OSBPL11: variants seen among roughly 807,000 people sequenced by gnomAD.
The protein encoded by OSBPL11 is oxysterol-binding protein-related protein 11.
A neutral mutation model predicts 84.4 loss-of-function variants in OSBPL11; 33 were observed. That is an observed-to-expected ratio of 0.39 (90% CI 0.30 to 0.52). The LOEUF (loss-of-function observed/expected upper bound fraction) is 0.52. Ranked by LOEUF, OSBPL11 falls within the 20% of genes least tolerant of loss-of-function variation. The pLI, the probability that OSBPL11 is intolerant of heterozygous loss-of-function variation, is 0.72. For synonymous variants in OSBPL11, 276 were observed against 310.2 expected (o/e 0.89, Z 1.16); for missense variants, 736 against 901.1 (o/e 0.82, Z 2.35).
intron 8 of OSBPL11, among the ~76,000 whole-genome samples, chr3:125,558,274 G>A (rs2107598389): frequency 6.6e-6 from 1 of 152,052 alleles, no homozygotes; most frequent in East Asian, 1.9e-4. Flanking sequence ...ATCTACTCAG[G>A]GACTGCAAAC....
At position 125,581,883 on chromosome 3, in the gene OSBPL11, G is replaced by C. The variant is rs1392351494; in HGVS notation, c.233+1027C>G. On this transcript the variant is annotated intron_variant, in intron 2 of 12. Coordinates refer to ENST00000296220, the MANE Select transcript of OSBPL11 (RefSeq NM_022776.5). Reference sequence around the variant, plus strand: ...TCCAGCTACTTAGGAGGCTGGGGCAGGAGGATGATTTCAGCCCGAGGTGGA... The same window carrying C: ...TCCAGCTACTTAGGAGGCTGGGGCACGAGGATGATTTCAGCCCGAGGTGGA... Among the ~76,000 whole-genome samples, 12 of 152,028 alleles carry C rather than the reference G, an allele frequency of 7.9e-5. No individual in the cohort carries two copies. In the East Asian group the frequency reaches 2.3e-3, roughly 29 times the overall value.
intron 5 of OSBPL11, among the ~76,000 whole-genome samples, chr3:125,569,674 C>A (rs1448913965): frequency 6.6e-6 from 1 of 152,164 alleles, no homozygotes; most frequent in African/African-American, 2.4e-5. Flanking sequence ...TTCAGCAACT[C>A]ATGTCCATCA....
intron 10 of OSBPL11, among the ~76,000 whole-genome samples, chr3:125,540,503 G>A (rs1935713661): frequency 6.6e-6 from 1 of 152,094 alleles, no homozygotes; most frequent in Non-Finnish European, 1.5e-5. Flanking sequence ...CAGTGTGAAT[G>A]TTTCTTGTGA....
intron 1 of OSBPL11, among the ~76,000 whole-genome samples, chr3:125,592,640 G>C (rs1479830015): frequency 1.3e-5 from 2 of 152,068 alleles, no homozygotes; most frequent in South Asian, 2.1e-4. Flanking sequence ...AGTATGTAAG[G>C]GAAATGTTTC....
Position 125,530,517 on chromosome 3 carries a change from A to G in OSBPL11, c.2242T>C (p.Ter748ArgextTer17). Residue 748 changes from the stop codon to arginine (R), a stop_lost, in exon 13 of 13, where the codon TGA becomes CGA. Transcript: ENST00000296220. ...GGTCGAGTTTTAGATAGTATGTGTC[A>G]CTCTGCTGGTTGTGTTGTTGGAATT... ...KIIPTTQPAE[*>R] 2.5e-6 allele frequency: 4 copies of G among 1,613,448 alleles called. No homozygotes were observed. Among genetic ancestry groups the G allele is most frequent in the Non-Finnish European group, 3.4e-6 (4 of 1,179,452 alleles).
chr3:125,574,143 C>A (rs929595960), intron 5 of OSBPL11, among the ~76,000 whole-genome samples: 37 of 151,964 alleles, frequency 2.4e-4, no homozygotes, highest in African/African-American at 8.7e-4. Flanking sequence ...GCCTTTTTCA[C>A]TGTGGTGACA....
intron 4 of OSBPL11, among the ~76,000 whole-genome samples, chr3:125,577,985 A>G (rs1936355889): frequency 6.6e-6 from 1 of 152,216 alleles, no homozygotes; most frequent in Non-Finnish European, 1.5e-5. Context: ...CCCAGACCCT[A>G]GAGAAATGAA....
chr3:125,539,277 G>A (rs2107588419), intron 10 of OSBPL11, among the ~76,000 whole-genome samples: 1 of 119,574 alleles, frequency 8.4e-6, no homozygotes, highest in East Asian at 2.6e-4. Context: ...TGCTATTGAA[G>A]TTTAATGAAG....
chr3:125,559,813 G>A (rs1386852474), intron 8 of OSBPL11, among the ~76,000 whole-genome samples: 2 of 152,018 alleles, frequency 1.3e-5, no homozygotes, highest in African/African-American at 4.8e-5. Flanking sequence ...TCGGCCTCCC[G>A]AGGAGAGTGG....
Position 125,530,018 on chromosome 3 carries a change from C to G in OSBPL11, c.*497G>C, listed in dbSNP as rs768428765. 6.5e-6 allele frequency: 1 copy of G among 152,970 alleles called. No homozygotes were observed. The highest frequency in any genetic ancestry group is 6.5e-5 in the Admixed American group (1 of 15,422). 9.5% of individuals were successfully genotyped at this position (152,970 alleles called of 1,614,324 possible). Reference sequence around the variant, plus strand: ...GATTTTTTTTTTTAAACACTGATTTCAGGCACAATGGCTGAATCCACTTCT... The same window carrying G: ...GATTTTTTTTTTTAAACACTGATTTGAGGCACAATGGCTGAATCCACTTCT... On this transcript the variant is annotated 3_prime_UTR_variant, in exon 13 of 13. Transcript: ENST00000296220.
chr3:125,538,706 A>G (rs1209402509), intron 10 of OSBPL11, 73 bp from the exon 11 acceptor site: 1 of 1,345,758 alleles, frequency 7.4e-7, no homozygotes, highest in East Asian at 2.3e-5. Context: ...CTGAAACCCA[A>G]GAACACAGCC....
At chr3:125,592,746 G>T (rs1181550007) in intron 1 of OSBPL11, among the ~76,000 whole-genome samples, 1 of 151,600 alleles carries the variant, frequency 6.6e-6, no homozygotes, top group African/African-American at 2.4e-5. Context: ...ATTTTAATAA[G>T]AGATATCAAG....
intron 10 of OSBPL11, among the ~76,000 whole-genome samples, chr3:125,545,256 A>T (rs951113311): frequency 6.6e-6 from 1 of 152,224 alleles, no homozygotes; most frequent in Non-Finnish European, 1.5e-5. Flanking sequence ...CCAGGAAAAC[A>T]GTTTGTCTAT....
At chr3:125,589,228 G>T (rs1312353215) in intron 1 of OSBPL11, among the ~76,000 whole-genome samples, 1 of 151,528 alleles carries the variant, frequency 6.6e-6, no homozygotes, top group Non-Finnish European at 1.5e-5. Context: ...CCTGTACCCA[G>T]CTACTCGGGA....
rs1457729327 is a variant in OSBPL11, at chr3:125,594,693, A to T, written c.108T>A (p.Gly36=). The change falls in exon 1 of 13, where the codon GGT becomes GGA. Residue 36 remains glycine, a synonymous_variant. Coordinates refer to ENST00000296220, the MANE Select transcript of OSBPL11 (RefSeq NM_022776.5). ...GGCTGCTGCTGCTGCTACTGATTCC[A>T]CCTCCACAGCTGCTGTTCTTGTTCG... ...VTPNKNSSCG[G]GISSSSSSRG... 3 of 1,613,788 alleles carry T rather than the reference A, an allele frequency of 1.9e-6. No individual in the cohort carries two copies. Among genetic ancestry groups the T allele is most frequent in the Non-Finnish European group, 2.5e-6 (3 of 1,179,992 alleles).
chr3:125,540,319 G>C (rs1377474725), intron 10 of OSBPL11, among the ~76,000 whole-genome samples: 2 of 112,040 alleles, frequency 1.8e-5, no homozygotes, highest in African/African-American at 3.6e-5. Context: ...ACAGAGGATG[G>C]CTCTGTCTCA....
At chr3:125,566,620 A>G (rs2107602419) in intron 6 of OSBPL11, among the ~76,000 whole-genome samples, 1 of 152,282 alleles carries the variant, frequency 6.6e-6, no homozygotes, top group African/African-American at 2.4e-5. Flanking sequence ...GTATTAAGTT[A>G]CTATCATCAC....
intron 11 of OSBPL11, among the ~76,000 whole-genome samples, chr3:125,532,739 T>G (rs377473511): frequency 7.9e-5 from 12 of 152,052 alleles, no homozygotes; most frequent in African/African-American, 2.9e-4. Context: ...CCTGGGTATT[T>G]ACCCAAGAAA....
chr3:125,553,835 T>G (rs1395613591), intron 8 of OSBPL11, among the ~76,000 whole-genome samples: 1 of 152,210 alleles, frequency 6.6e-6, no homozygotes, highest in African/African-American at 2.4e-5. Flanking sequence ...ATTGAACACA[T>G]GCATCTTAAT....
Sources: gnomAD v4.1 joint callset for allele counts (sites outside exome capture counted in the v4.1 genomes callset) on GRCh38, gnomAD v4.1.1 for gene constraint, MANE v1.5 for transcripts, NCBI Gene and HGNC (gene_info 2026-07-23, HGNC 2026-07-21) for gene names.